Variants in ATRN observed in about 807,000 individuals in gnomAD.
The protein encoded by ATRN is attractin-2.
In ATRN, 54 loss-of-function variants were observed where a neutral mutation model predicts 178.7. The observed-to-expected ratio is 0.30, with a 90% CI of 0.24 to 0.38. The LOEUF (loss-of-function observed/expected upper bound fraction) is 0.38, where lower values mean the gene tolerates loss of function less well. ATRN is among the 10% of genes least tolerant of loss of function. The pLI is 1.00. For missense variants in ATRN, 1,443 were observed against 1,815.1 expected (o/e 0.79, Z 3.73); for synonymous variants, 636 against 663.0 (o/e 0.96, Z 0.63).
chr20:3,634,118 T>TTA (rs2087008175), intron 25 of ATRN, among the ~76,000 whole-genome samples, 193 bp from the exon 26 acceptor site: 1 of 152,198 alleles, frequency 6.6e-6, no homozygotes, highest in African/African-American at 2.4e-5. Context: ...AGAGGCCTGG[T>TTA]TAGGAAGCCT....
intron 1 of ATRN, among the ~76,000 whole-genome samples, chr20:3,500,242 T>C (rs994175245): frequency 2.6e-5 from 4 of 152,178 alleles, no homozygotes; most frequent in Non-Finnish European, 4.4e-5. Context: ...GATGGGACTG[T>C]AAACTAGTTC....
Position 3,471,293 on chromosome 20 carries a change from G to A in ATRN, c.186G>A (p.Leu62=). 1 of 1,475,690 alleles carries A rather than the reference G, an allele frequency of 6.8e-7. No individual in the cohort carries two copies. The highest frequency in any genetic ancestry group is 8.9e-7 in the Non-Finnish European group (1 of 1,122,458). The allele number at this position is 1,475,690 out of a possible 1,614,324, so 91.4% of individuals were successfully genotyped here. Residue 62 remains leucine (L), a synonymous_variant, in exon 1 of 29, where the codon CTG becomes CTA. Coordinates refer to ENST00000262919, the MANE Select transcript of ATRN (RefSeq NM_139321.3). ...LLSPPLRPRL[L]LLLLLLSPPL... is the part of the protein sequence containing the mutation. Reference sequence around the variant, plus strand: ...CTCCACCGCTGCGGCCACGGCTGCTGCTGCTGCTGTTGTTGCTCTCGCCGC... The same window carrying A: ...CTCCACCGCTGCGGCCACGGCTGCTACTGCTGCTGTTGTTGCTCTCGCCGC...
intron 1 of ATRN, among the ~76,000 whole-genome samples, chr20:3,493,323 A>ATTT (rs140855155): frequency 2.9e-5 from 4 of 139,800 alleles, no homozygotes; most frequent in Non-Finnish European, 6.2e-5. Flanking sequence ...ACCTGGCTAA[A>ATTT]TTTTTTTTTT....
chr20:3,479,744 T>A (rs1396821764), intron 1 of ATRN, among the ~76,000 whole-genome samples: 1 of 152,210 alleles, frequency 6.6e-6, no homozygotes, highest in Non-Finnish European at 1.5e-5. Context: ...GAGGATCTGT[T>A]CCATGCCTTT....
chr20:3,489,398 C>T, intron 1 of ATRN: 1 of 628,126 alleles, frequency 1.6e-6, no homozygotes, highest in Admixed American at 2.7e-5. Flanking sequence ...TGCCTTGTTT[C>T]TACAGGATGC....
intron 1 of ATRN, chr20:3,489,711 T>A: frequency 6.3e-7 from 1 of 1,580,588 alleles, no homozygotes; most frequent in East Asian, 2.2e-5. Flanking sequence ...GTGAGCAGTG[T>A]TTGGGATGCC....
intron 1 of ATRN, among the ~76,000 whole-genome samples, chr20:3,508,857 C>T (rs1420647896): frequency 6.6e-6 from 1 of 152,128 alleles, no homozygotes; most frequent in African/African-American, 2.4e-5. Context: ...GCTTAAGGTC[C>T]TTGAATTGCC....
intron 2 of ATRN, among the ~76,000 whole-genome samples, chr20:3,535,617 A>ACT (rs2085519906): frequency 6.7e-6 from 1 of 149,526 alleles, no homozygotes; most frequent in Non-Finnish European, 1.5e-5. Context: ...ACACACACAC[A>ACT]CACACACACA....
Position 3,583,878 on chromosome 20 carries a change from C to T in ATRN, c.2765-20C>T. 6.2e-7 allele frequency: 1 copy of T among 1,609,432 alleles called. No individual in the cohort carries two copies. Among genetic ancestry groups the T allele is most frequent in the Non-Finnish European group, 8.5e-7 (1 of 1,176,224 alleles). On this transcript the variant is annotated intron_variant, in intron 16 of 28. Coordinates refer to ENST00000262919, the MANE Select transcript of ATRN (RefSeq NM_139321.3). ...GACATGGTGGGAGCTCTAAGTGTCT[C>T]TCTTGGGTTTCATTCCCAGCAAACC...
rs1395777950 is a variant in ATRN, at chr20:3,641,095, CAG to C, written c.4050+2161_4050+2162del. 9.9e-5 allele frequency among the ~76,000 whole-genome samples: 15 copies of C among 152,220 alleles called. No individual in the cohort carries two copies. The South Asian group carries it at 2.9e-3, about 29-fold the overall frequency. On this transcript the variant is annotated intron_variant, in intron 27 of 28. Coordinates refer to ENST00000262919, the MANE Select transcript of ATRN (RefSeq NM_139321.3). ...AGACAGGAAGTAGAACAGTGGTTCA[CAG>C]GGGCTGGGAGAAGGGGAAAATGGGG...
chr20:3,492,854 GGC>G (rs144765964), intron 1 of ATRN, among the ~76,000 whole-genome samples: 42 of 132,452 alleles, frequency 3.2e-4, no homozygotes, highest in African/African-American at 8.7e-4. Context: ...GAGAGAGAGA[GGC>G]GCGCGCGCGC....
chr20:3,477,305 T>C (rs239091), intron 1 of ATRN, among the ~76,000 whole-genome samples: 1 of 6,226 alleles, frequency 1.6e-4, no homozygotes, highest in Admixed American at 1.4e-3. Flanking sequence ...GGCTGATCTG[T>C]TTTCCCCAGT....
intron 27 of ATRN, among the ~76,000 whole-genome samples, chr20:3,640,204 T>C (rs781462695): frequency 6.6e-6 from 1 of 152,244 alleles, no homozygotes; most frequent in Non-Finnish European, 1.5e-5. Flanking sequence ...ATGAAAAATA[T>C]ACTTGTTGAA....
chr20:3,627,583 AAAG>A (rs1230848237), intron 25 of ATRN, among the ~76,000 whole-genome samples: 1 of 152,196 alleles, frequency 6.6e-6, no homozygotes, highest in Admixed American at 6.5e-5. Context: ...ACCAAGGAAA[AAAG>A]AGAGAAGGTA....
At chr20:3,520,813 C>T (rs766330538) in intron 1 of ATRN, among the ~76,000 whole-genome samples, 79 of 152,008 alleles carry the variant, frequency 5.2e-4, no homozygotes, top group Non-Finnish European at 1.6e-4. Context: ...CCAACTTTAT[C>T]ACACTAGTAA....
intron 1 of ATRN, among the ~76,000 whole-genome samples, chr20:3,481,907 G>T (rs1273015263): frequency 7.2e-6 from 1 of 138,780 alleles, no homozygotes; most frequent in Non-Finnish European, 1.5e-5. Context: ...TTTTTTGATT[G>T]GTTTACTAAT....
At position 3,621,373 on chromosome 20, in the gene ATRN, G is replaced by A. The variant is rs529283691; in HGVS notation, c.3802-3138G>A. 3.3e-5 allele frequency among the ~76,000 whole-genome samples: 5 copies of A among 152,294 alleles called. No individual in the cohort carries two copies. In the East Asian group the frequency reaches 7.7e-4, roughly 23 times the overall value. ...TTAGTGATTGAGGAAGTGCAGGTCC[G>A]TAATATCTTACCCCAAACCCTGGGG... On this transcript the variant is annotated intron_variant, in intron 24 of 28. Transcript: ENST00000262919.
At chr20:3,622,963 A>G (rs2086907982) in intron 24 of ATRN, among the ~76,000 whole-genome samples, 1 of 152,244 alleles carries the variant, frequency 6.6e-6, no homozygotes, top group South Asian at 2.1e-4. Context: ...ATAAGTCCTC[A>G]GACAGTGCCC....
intron 1 of ATRN, among the ~76,000 whole-genome samples, chr20:3,532,243 T>C (rs1014059902): frequency 1.3e-5 from 2 of 152,220 alleles, no homozygotes; most frequent in Non-Finnish European, 2.9e-5. Flanking sequence ...AGCAGCATAG[T>C]GGAGAGCCAT....
Sources: allele counts gnomAD v4.1 joint callset (sites outside exome capture counted in the v4.1 genomes callset), GRCh38; gene constraint gnomAD v4.1.1; transcripts MANE v1.5; gene names NCBI Gene and HGNC (gene_info 2026-07-23, HGNC 2026-07-21).